The following STPG2 variants were observed in gnomAD, a reference collection of about 807,000 sequenced individuals.
STPG2 encodes sperm-tail PG-rich repeat-containing protein 2.
In STPG2, 56 loss-of-function variants were observed where a neutral mutation model predicts 54.2. That is an observed-to-expected ratio of 1.03 (90% CI 0.83 to 1.29). STPG2 has a LOEUF of 1.29. Ranked by LOEUF, STPG2 falls within the 50% of genes most tolerant of loss-of-function variation. STPG2 has a pLI of 0.00. For missense variants in STPG2, 596 were observed against 544.9 expected (o/e 1.09, Z -0.93); for synonymous variants, 200 against 181.8 (o/e 1.10, Z -0.81).
rs1248913861 is a variant in STPG2, at chr4:97,706,004, C to G, written c.1320+6695G>C. Among the ~76,000 whole-genome samples the G allele has an allele frequency of 2.0e-5, 3 of 152,036 alleles. No homozygotes were observed. In the East Asian group the frequency reaches 5.8e-4, roughly 29 times the overall value. On this transcript the variant is annotated intron_variant, in intron 10 of 10. Coordinates refer to ENST00000295268, the MANE Select transcript of STPG2 (RefSeq NM_174952.3). ...GTATAGATTTGTACTACATTTATAG[C>G]AGTTTTTATCCTTGTATCTGAGCTA...
At chr4:97,972,239 T>A (rs756211736) in intron 7 of STPG2, 41 bp downstream of exon 7, 2 of 1,335,796 alleles carry the variant, frequency 1.5e-6, no homozygotes, top group Admixed American at 5.1e-5. Flanking sequence ...AAGAGCTTGA[T>A]ATTCAACATA....
chr4:97,941,540 T>C (rs1185891923), intron 8 of STPG2, among the ~76,000 whole-genome samples: 6 of 152,018 alleles, frequency 3.9e-5, no homozygotes, highest in Non-Finnish European at 7.4e-5. Flanking sequence ...ATAAAAAATA[T>C]TTCCCTGGGA....
intron 4 of STPG2, among the ~76,000 whole-genome samples, chr4:97,480,964 C>T (rs986054843): frequency 1.3e-5 from 2 of 151,386 alleles, no homozygotes; most frequent in Non-Finnish European, 3.0e-5. Context: ...TCAAAATTTT[C>T]GCTTTCCCTA....
At chr4:97,924,251 G>A (rs549323833) in intron 8 of STPG2, among the ~76,000 whole-genome samples, 3 of 152,246 alleles carry the variant, frequency 2.0e-5, no homozygotes, top group East Asian at 1.9e-4. Context: ...GAGGGTCCGC[G>A]GCTTCATTCT....
intron 4 of STPG2, among the ~76,000 whole-genome samples, chr4:97,542,853 A>T (rs535160740): frequency 6.6e-6 from 1 of 152,284 alleles, no homozygotes; most frequent in African/African-American, 2.4e-5. Flanking sequence ...CATCATTCTC[A>T]GCAAACTAAA....
rs138971893 is a variant in STPG2 at position 98,103,644 on chromosome 4, A to AAAAATAAAATAAAATAAAAT, written c.612+2289_612+2308dup. 9.0e-3 allele frequency among the ~76,000 whole-genome samples: 1,338 copies of AAAAATAAAATAAAATAAAAT among 149,068 alleles called. 22 individuals carry two copies. The highest frequency in any genetic ancestry group is 0.031 in the African/African-American group (1,239 of 40,274). On this transcript the variant is annotated intron_variant, in intron 5 of 10. Coordinates refer to ENST00000295268, the MANE Select transcript of STPG2 (RefSeq NM_174952.3). ...CAAGAAAAGCAAAACTCCATCTCAA[A>AAAAATAAAATAAAATAAAAT]AAAATAAAATAAAATAAAATAAAAT...
At chr4:97,696,802 G>A (rs1723593061) in intron 10 of STPG2, among the ~76,000 whole-genome samples, 1 of 152,092 alleles carries the variant, frequency 6.6e-6, no homozygotes, top group East Asian at 1.9e-4. Flanking sequence ...CTAATTATCA[G>A]GGAAATCCAA....
chr4:97,756,674 T>G (rs1301669370), intron 9 of STPG2, among the ~76,000 whole-genome samples: 1 of 152,072 alleles, frequency 6.6e-6, no homozygotes, highest in Non-Finnish European at 1.5e-5. Context: ...AAGGGGGAAA[T>G]TAGTGTCTTT....
chr4:97,561,561 T>C (rs954765097), intron 10 of STPG2, among the ~76,000 whole-genome samples: 1 of 152,212 alleles, frequency 6.6e-6, no homozygotes, highest in African/African-American at 2.4e-5. Context: ...GGTTTTCTTC[T>C]AGGACTTCTA....
At chr4:98,137,625 AC>A (rs1483748616) in intron 1 of STPG2, among the ~76,000 whole-genome samples, 1 of 151,782 alleles carries the variant, frequency 6.6e-6, no homozygotes, top group Admixed American at 6.6e-5. Flanking sequence ...AGAAAGTGAA[AC>A]CCAGGCTACT....
chr4:97,610,840 T>C (rs370615398), intron 10 of STPG2, among the ~76,000 whole-genome samples: 1 of 123,244 alleles, frequency 8.1e-6, no homozygotes, highest in Non-Finnish European at 1.9e-5. Flanking sequence ...CCAGTTATAA[T>C]ATAAATGAAG....
At chr4:97,532,463 T>C (rs1313214363) in intron 4 of STPG2, among the ~76,000 whole-genome samples, 1 of 152,212 alleles carries the variant, frequency 6.6e-6, no homozygotes, top group Non-Finnish European at 1.5e-5. Context: ...AGTTTTCTTC[T>C]ACTTGACGAT....
chr4:97,704,156 C>T (rs1232572283), intron 10 of STPG2, among the ~76,000 whole-genome samples: 3 of 152,096 alleles, frequency 2.0e-5, no homozygotes, highest in Admixed American at 6.6e-5. Context: ...CTAACAGACA[C>T]ACCCAGGATC....
At chr4:97,486,831 A>G (rs796775595) in intron 4 of STPG2, among the ~76,000 whole-genome samples, 5,805 of 120,264 alleles carry the variant, frequency 0.048, 344 homozygotes, top group African/African-American at 0.2. Flanking sequence ...GTGTGTGTGT[A>G]TATATATATA....
chr4:97,855,640 C>T (rs963715838), intron 8 of STPG2, among the ~76,000 whole-genome samples: 1 of 152,104 alleles, frequency 6.6e-6, no homozygotes, highest in Non-Finnish European at 1.5e-5. Flanking sequence ...ACGAAAGTTT[C>T]TTCTGCTGTG....
intron 8 of STPG2, among the ~76,000 whole-genome samples, chr4:97,845,140 T>C (rs1297056080): frequency 7.2e-5 from 11 of 151,864 alleles, no homozygotes. Flanking sequence ...ATAGCTGATA[T>C]TTACATATCT....
intron 9 of STPG2, among the ~76,000 whole-genome samples, chr4:97,793,352 A>T (rs1477425625): frequency 2.8e-5 from 4 of 144,358 alleles, no homozygotes; most frequent in South Asian, 2.2e-4. Context: ...TATATATATA[A>T]AATTAGAGTT....
chr4:97,863,302 G>C (rs984484957), intron 8 of STPG2, among the ~76,000 whole-genome samples: 7 of 152,172 alleles, frequency 4.6e-5, no homozygotes, highest in Non-Finnish European at 8.8e-5. Context: ...ACTACCATCA[G>C]AGAATACTAT....
chr4:97,660,193 AG>A (rs1722337916), intron 10 of STPG2, among the ~76,000 whole-genome samples: 1 of 152,088 alleles, frequency 6.6e-6, no homozygotes, highest in Non-Finnish European at 1.5e-5. Context: ...TAGTAGAGAT[AG>A]GGTTTCACCG....
Sources: allele counts gnomAD v4.1 joint callset (sites outside exome capture counted in the v4.1 genomes callset), GRCh38; gene constraint gnomAD v4.1.1; transcripts MANE v1.5; gene names NCBI Gene and HGNC (gene_info 2026-07-23, HGNC 2026-07-21).